The following DGKI variants were observed in gnomAD, a reference collection of about 807,000 sequenced individuals.
DGKI encodes the protein diacylglycerol kinase iota.
Under a neutral mutation model 147.5 loss-of-function variants are expected in DGKI, and 55 were observed. The observed-to-expected ratio is 0.37, with a 90% confidence interval of 0.30 to 0.47. The LOEUF is 0.47. Among genes scored for constraint, DGKI ranks in the 20% least tolerant of loss-of-function variants. DGKI has a pLI of 1.00. For missense variants in DGKI, 1,007 were observed against 1,323.8 expected (o/e 0.76, Z 3.71); for synonymous variants, 469 against 477.1 (o/e 0.98, Z 0.22).
At chr7:137,413,944 T>G (rs1433560371) in intron 28 of DGKI, among the ~76,000 whole-genome samples, 1 of 152,220 alleles carries the variant, frequency 6.6e-6, no homozygotes, top group Non-Finnish European at 1.5e-5. Flanking sequence ...CACCAACATC[T>G]GTTATTTTTT....
Position 137,736,985 on chromosome 7 carries a change from T to C in DGKI, c.402-46983A>G, listed in dbSNP as rs1704960162. 3.3e-5 allele frequency among the ~76,000 whole-genome samples: 5 copies of C among 152,016 alleles called. No homozygotes were observed. The South Asian group carries it at 1.0e-3, about 31-fold the overall frequency. ...TCTTATAAGCCAGATTGAATCAAAGTTTGGGCAATCTTTGAACTAACTCTT... is the reference window on the plus strand; with the variant it reads ...TCTTATAAGCCAGATTGAATCAAAGCTTGGGCAATCTTTGAACTAACTCTT... On this transcript the variant is annotated intron_variant, in intron 1 of 32. Transcript: ENST00000614521.
At chr7:137,788,128 C>T (rs1796728564) in intron 1 of DGKI, among the ~76,000 whole-genome samples, 1 of 152,080 alleles carries the variant, frequency 6.6e-6, no homozygotes, top group Non-Finnish European at 1.5e-5. Flanking sequence ...AAAAGTGAGA[C>T]AGCATATTAG....
intron 1 of DGKI, among the ~76,000 whole-genome samples, chr7:137,825,333 C>T (rs1585538281): frequency 6.6e-6 from 1 of 152,098 alleles, no homozygotes; most frequent in Non-Finnish European, 1.5e-5. Context: ...TTTCATTACC[C>T]TAAGAAGTTT....
intron 21 of DGKI, 147 bp downstream of exon 21, chr7:137,521,719 G>C: frequency 1.6e-6 from 1 of 618,450 alleles, no homozygotes; most frequent in South Asian, 1.9e-5. Context: ...TTATCACTTG[G>C]AGCCCACATG....
At chr7:137,572,313 A>G (rs1413309651) in intron 18 of DGKI, among the ~76,000 whole-genome samples, 2 of 152,234 alleles carry the variant, frequency 1.3e-5, no homozygotes, top group African/African-American at 4.8e-5. Context: ...CTAGAAAACA[A>G]TACTCTAACT....
intron 28 of DGKI, among the ~76,000 whole-genome samples, chr7:137,426,107 C>T (rs1374844508): frequency 5.3e-5 from 8 of 152,022 alleles, no homozygotes; most frequent in African/African-American, 1.5e-4. Context: ...TCAGATTCAC[C>T]GAAGTTGAAA....
intron 27 of DGKI, among the ~76,000 whole-genome samples, chr7:137,456,864 A>G (rs951964129): frequency 6.6e-6 from 1 of 152,158 alleles, no homozygotes; most frequent in Non-Finnish European, 1.5e-5. Context: ...TCTTCCACTA[A>G]CTGAACTTGG....
At chr7:137,822,899 A>G (rs1470182716) in intron 1 of DGKI, among the ~76,000 whole-genome samples, 1 of 152,064 alleles carries the variant, frequency 6.6e-6, no homozygotes, top group African/African-American at 2.4e-5. Flanking sequence ...ATGGCAAACA[A>G]ATGAGGAAAT....
chr7:137,547,917 G>A (rs1817917122), intron 20 of DGKI, among the ~76,000 whole-genome samples: 1 of 152,288 alleles, frequency 6.6e-6, no homozygotes, highest in South Asian at 2.1e-4. Flanking sequence ...GGTGCAGAGG[G>A]CACTGCAAGA....
chr7:137,476,814 C>T (rs1042239653), intron 23 of DGKI, among the ~76,000 whole-genome samples: 1 of 152,116 alleles, frequency 6.6e-6, no homozygotes, highest in Non-Finnish European at 1.5e-5. Flanking sequence ...ACCCAGAAGC[C>T]CCAAGCTATT....
At chr7:137,460,300 T>C (rs1320605114) in intron 27 of DGKI, among the ~76,000 whole-genome samples, 1 of 152,214 alleles carries the variant, frequency 6.6e-6, no homozygotes, top group African/African-American at 2.4e-5. Flanking sequence ...GCACAGGATG[T>C]TTGCTGCATT....
intron 1 of DGKI, among the ~76,000 whole-genome samples, chr7:137,795,456 C>A (rs1796991379): frequency 6.6e-6 from 1 of 152,208 alleles, no homozygotes; most frequent in Admixed American, 6.5e-5. Flanking sequence ...TCAGCTATTA[C>A]TCAGTGAGGA....
intron 30 of DGKI, among the ~76,000 whole-genome samples, chr7:137,401,968 G>A (rs906546232): frequency 6.6e-6 from 1 of 152,146 alleles, no homozygotes; most frequent in African/African-American, 2.4e-5. Flanking sequence ...TCCCTTGCTG[G>A]TATTAGGAAT....
intron 15 of DGKI, 65 bp from the exon 16 acceptor site, chr7:137,578,390 C>T (rs1819062308): frequency 4.6e-6 from 5 of 1,087,292 alleles, no homozygotes; most frequent in South Asian, 3.8e-5. Context: ...TAGATTAGCA[C>T]TCCTACTTCC....
At chr7:137,404,633 G>A (rs764075783) in intron 30 of DGKI, among the ~76,000 whole-genome samples, 13 of 152,176 alleles carry the variant, frequency 8.5e-5, no homozygotes, top group Non-Finnish European at 1.8e-4. Context: ...TGCCTTCTGA[G>A]ACCTCAGAAA....
At chr7:137,484,449 T>G (rs1322175728) in intron 23 of DGKI, among the ~76,000 whole-genome samples, 2 of 151,970 alleles carry the variant, frequency 1.3e-5, no homozygotes, top group Admixed American at 1.3e-4. Flanking sequence ...TTGAAGAGAT[T>G]TATTTGGAGA....
At chr7:137,721,648 C>T (rs565593116) in intron 1 of DGKI, among the ~76,000 whole-genome samples, 2 of 152,302 alleles carry the variant, frequency 1.3e-5, no homozygotes, top group South Asian at 4.2e-4. Context: ...AAAAGTAAAT[C>T]TGTACACCTA....
At chr7:137,482,520 A>G (rs188860366) in intron 23 of DGKI, among the ~76,000 whole-genome samples, 1 of 152,024 alleles carries the variant, frequency 6.6e-6, no homozygotes, top group East Asian at 1.9e-4. Flanking sequence ...GAGGTTTAAT[A>G]TTCGTATACC....
chr7:137,514,695 G>A (rs182481601), intron 21 of DGKI, among the ~76,000 whole-genome samples: 7 of 152,230 alleles, frequency 4.6e-5, no homozygotes, highest in East Asian at 3.9e-4. Context: ...GCAATACAGC[G>A]AATCCATCAT....
Sources: gnomAD v4.1 joint callset for allele counts (sites outside exome capture counted in the v4.1 genomes callset) on GRCh38, gnomAD v4.1.1 for gene constraint, MANE v1.5 for transcripts, NCBI Gene and HGNC (gene_info 2026-07-23, HGNC 2026-07-21) for gene names.